TBC1D32: variants seen among roughly 807,000 people sequenced by gnomAD.
The protein encoded by TBC1D32 is protein broad-minded.
TBC1D32 carries 151 observed loss-of-function variants against 170.3 expected under a neutral mutation model. The ratio of observed to expected loss-of-function variants is 0.89; its 90% CI spans 0.78 to 1.01. The LOEUF (loss-of-function observed/expected upper bound fraction) is 1.01, where lower values mean the gene tolerates loss of function less well. Ranked by LOEUF, TBC1D32 falls within the 50% of genes least tolerant of loss-of-function variation. TBC1D32 has a pLI of 0.00. For missense variants in TBC1D32, 1,464 were observed against 1,457.1 expected (o/e 1.00, Z -0.08); for synonymous variants, 498 against 488.0 (o/e 1.02, Z -0.27).
At chr6:121,089,564 TTCTA>T (rs1216671166) in intron 31 of TBC1D32, among the ~76,000 whole-genome samples, 3 of 152,204 alleles carry the variant, frequency 2.0e-5, no homozygotes, top group Non-Finnish European at 4.4e-5. Flanking sequence ...TCTTTTATTT[TTCTA>T]TCTTAGTTTT....
At chr6:121,277,398 G>A (rs868142826) in intron 15 of TBC1D32, among the ~76,000 whole-genome samples, 1 of 140,282 alleles carries the variant, frequency 7.1e-6, no homozygotes, top group Non-Finnish European at 1.5e-5. Flanking sequence ...TGAGGCACTA[G>A]AATCGCTTGA....
intron 20 of TBC1D32, among the ~76,000 whole-genome samples, chr6:121,235,304 G>A (rs1389764750): frequency 1.3e-5 from 2 of 152,138 alleles, no homozygotes; most frequent in Non-Finnish European, 2.9e-5. Context: ...CAGGGCCATA[G>A]AGTTCCAAAG....
chr6:121,324,249 T>G (rs1810156998), intron 1 of TBC1D32, among the ~76,000 whole-genome samples: 1 of 152,202 alleles, frequency 6.6e-6, no homozygotes, highest in Non-Finnish European at 1.5e-5. Context: ...TTTACCAATT[T>G]GTAATTATTT....
At chr6:121,270,268 A>G (rs1053377231) in intron 15 of TBC1D32, among the ~76,000 whole-genome samples, 8 of 152,194 alleles carry the variant, frequency 5.3e-5, no homozygotes, top group Admixed American at 3.9e-4. Context: ...AGATCAGAGC[A>G]GAACTGAAGG....
chr6:121,281,609 A>T lies in TBC1D32; in HGVS notation c.1543T>A (p.Leu515Ile). The T allele has an allele frequency of 1.2e-6, 2 of 1,607,920 alleles. No individual in the cohort carries two copies. Reference sequence around the variant, plus strand: ...GTCTCTATTACAATGTTGTTATATAAGCATTCCACTGCACATTCTTTTTGA... The same window carrying T: ...GTCTCTATTACAATGTTGTTATATATGCATTCCACTGCACATTCTTTTTGA... ...SDQKECAVEC[L>I]YNNIVIETLL... The change falls in exon 14 of 32, where the codon TTA (leucine) becomes ATA (isoleucine). Residue 515 changes from leucine to isoleucine, a missense_variant. Coordinates refer to ENST00000398212, the MANE Select transcript of TBC1D32 (RefSeq NM_152730.6).
chr6:121,220,789 C>T (rs1208587548), intron 21 of TBC1D32, among the ~76,000 whole-genome samples: 3 of 151,646 alleles, frequency 2.0e-5, no homozygotes, highest in Admixed American at 6.6e-5. Context: ...TACAGACATG[C>T]GCCACCACGT....
intron 30 of TBC1D32, 80 bp downstream of exon 30, chr6:121,105,943 C>A: frequency 7.4e-7 from 1 of 1,348,748 alleles, no homozygotes; most frequent in Admixed American, 2.3e-5. Context: ...AAAGGTATTT[C>A]CTTATTTGAT....
chr6:121,307,799 T>A (rs1807557364), intron 5 of TBC1D32, among the ~76,000 whole-genome samples, 177 bp downstream of exon 5: 1 of 151,966 alleles, frequency 6.6e-6, no homozygotes, highest in Admixed American at 6.6e-5. Context: ...GAGGCAGAGG[T>A]TAAAGTGAGC....
intron 22 of TBC1D32, among the ~76,000 whole-genome samples, chr6:121,188,605 C>A (rs17154): frequency 0.079 from 12,007 of 151,978 alleles, 783 homozygotes; most frequent in African/African-American, 0.17. Flanking sequence ...ATTTTTAAAA[C>A]CTGGAGATGA....
At chr6:121,214,335 C>G (rs1793539093) in intron 21 of TBC1D32, among the ~76,000 whole-genome samples, 1 of 152,192 alleles carries the variant, frequency 6.6e-6, no homozygotes, top group Non-Finnish European at 1.5e-5. Context: ...CTCATTCCAC[C>G]CATTCGGCCT....
At chr6:121,273,092 C>G (rs149278306) in intron 15 of TBC1D32, among the ~76,000 whole-genome samples, 14,185 of 151,140 alleles carry the variant, frequency 0.094, 1,144 homozygotes, top group African/African-American at 0.22. Flanking sequence ...GGGAACATCA[C>G]ACACCAGGGC....
chr6:121,102,055 A>G (rs1466397814), intron 30 of TBC1D32, among the ~76,000 whole-genome samples: 1 of 152,184 alleles, frequency 6.6e-6, no homozygotes, highest in Non-Finnish European at 1.5e-5. Context: ...CTCGTCAAGG[A>G]GAACTACAAA....
chr6:121,184,479 T>A (rs1372566983), intron 22 of TBC1D32, among the ~76,000 whole-genome samples: 1 of 151,892 alleles, frequency 6.6e-6, no homozygotes, highest in Non-Finnish European at 1.5e-5. Context: ...GATTTTAGCC[T>A]CTTCCAATTT....
chr6:121,111,721 T>C (rs991847110), intron 29 of TBC1D32, among the ~76,000 whole-genome samples: 3 of 151,068 alleles, frequency 2.0e-5, no homozygotes, highest in Non-Finnish European at 2.9e-5. Flanking sequence ...CCATGATGAA[T>C]TGATTTTATT....
At chr6:121,283,994 A>G in intron 12 of TBC1D32, 84 bp from the exon 13 acceptor site, 1 of 1,016,692 alleles carries the variant, frequency 9.8e-7, no homozygotes, top group Non-Finnish European at 1.5e-6. Flanking sequence ...TCATCCATCT[A>G]TATAGTTGAG....
intron 21 of TBC1D32, 98 bp downstream of exon 21, chr6:121,223,135 CATA>C (rs1794704448): frequency 4.1e-6 from 3 of 729,802 alleles, no homozygotes; most frequent in Middle Eastern, 7.9e-4. Context: ...AATGCCATTA[CATA>C]ATGTTTCTTT....
Position 121,160,378 on chromosome 6 carries a change from G to T in TBC1D32, c.2680-275C>A, listed in dbSNP as rs558351846. Among the ~76,000 whole-genome samples the T allele has an allele frequency of 1.4e-3, 215 of 151,726 alleles. 1 individual carries two copies. The highest frequency in any genetic ancestry group is 2.4e-3 in the Non-Finnish European group (163 of 67,934). On this transcript the variant is annotated intron_variant, in intron 23 of 31. Coordinates refer to ENST00000398212, the MANE Select transcript of TBC1D32 (RefSeq NM_152730.6). The stretch of plus-strand genomic sequence containing the variant: ...GAATTGATAATGATAAATTTACTGT[G>T]TTTTTTTTCATAAAAGGAAAATTGT...
chr6:121,241,414 C>T (rs570755120), intron 19 of TBC1D32, 51 bp downstream of exon 19: 5 of 1,483,970 alleles, frequency 3.4e-6, no homozygotes, highest in East Asian at 2.5e-5. Flanking sequence ...AGTTGGCTTG[C>T]TCATTTTATC....
intron 5 of TBC1D32, among the ~76,000 whole-genome samples, chr6:121,307,524 A>G (rs1203848420): frequency 6.6e-6 from 1 of 152,212 alleles, no homozygotes; most frequent in East Asian, 1.9e-4. Flanking sequence ...TGACAATTAG[A>G]AAGCTGAAAC....
Sources: gnomAD v4.1 joint callset for allele counts (sites outside exome capture counted in the v4.1 genomes callset) on GRCh38, gnomAD v4.1.1 for gene constraint, MANE v1.5 for transcripts, NCBI Gene and HGNC (gene_info 2026-07-23, HGNC 2026-07-21) for gene names.